TTLL11: variants seen among roughly 807,000 people sequenced by gnomAD.
The protein encoded by TTLL11 is tubulin tyrosine ligase like 11, also known as tubulin polyglutamylase TTLL11.
Under a neutral mutation model 51.7 loss-of-function variants are expected in TTLL11, and 42 were observed. The ratio of observed to expected loss-of-function variants is 0.81; its 90% CI spans 0.64 to 1.05. The LOEUF is 1.05. TTLL11 is among the 50% of genes least tolerant of loss of function. The pLI is 0.00. For synonymous variants in TTLL11, 381 were observed against 383.5 expected, an observed-to-expected ratio of 0.99 and a Z score of 0.08; for missense variants, 799 against 940.4, an observed-to-expected ratio of 0.85 and a Z score of 1.97.
chr9:121,925,120 A>T (rs1166524444), intron 6 of TTLL11, among the ~76,000 whole-genome samples: 2 of 152,278 alleles, frequency 1.3e-5, no homozygotes, highest in Non-Finnish European at 2.9e-5. Context: ...CTGTTTAGGG[A>T]TCTCTAATGT....
chr9:122,087,155 C>G (rs1846146728), intron 1 of TTLL11, among the ~76,000 whole-genome samples: 2 of 152,046 alleles, frequency 1.3e-5, no homozygotes. Flanking sequence ...ACAGTGCAGT[C>G]TATTTTAGAG....
At chr9:122,044,236 A>G (rs1389021433) in intron 1 of TTLL11, among the ~76,000 whole-genome samples, 1 of 151,806 alleles carries the variant, frequency 6.6e-6, no homozygotes, top group Non-Finnish European at 1.5e-5. Flanking sequence ...TATGTGCCAC[A>G]TTTTCTTAAT....
chr9:121,868,091 A>C (rs1172736798), intron 7 of TTLL11, among the ~76,000 whole-genome samples: 1 of 152,048 alleles, frequency 6.6e-6, no homozygotes, highest in East Asian at 1.9e-4. Flanking sequence ...GATGGTGTGA[A>C]GGCTGGGGAG....
chr9:122,088,743 C>T (rs1419155348), intron 1 of TTLL11, among the ~76,000 whole-genome samples: 3 of 152,150 alleles, frequency 2.0e-5, no homozygotes, highest in East Asian at 1.9e-4. Flanking sequence ...TGGTGGCTCA[C>T]GCCTGTAATC....
chr9:122,044,642 A>G (rs1216346975), intron 1 of TTLL11, among the ~76,000 whole-genome samples: 1 of 152,196 alleles, frequency 6.6e-6, no homozygotes, highest in Non-Finnish European at 1.5e-5. Context: ...TTAAACTCCT[A>G]CAACTCAACA....
intron 1 of TTLL11, 41 bp from the exon 2 acceptor site, chr9:122,039,409 A>G: frequency 6.7e-7 from 1 of 1,500,906 alleles, no homozygotes; most frequent in Non-Finnish European, 9.3e-7. Context: ...GAATAAGAAG[A>G]GCAGTGACCA....
intron 1 of TTLL11, among the ~76,000 whole-genome samples, chr9:122,084,017 T>C (rs1846060130): frequency 6.6e-6 from 1 of 152,218 alleles, no homozygotes. Flanking sequence ...TTATACATAA[T>C]CTAAGATGTC....
chr9:121,957,073 G>A (rs1395363767), intron 6 of TTLL11, among the ~76,000 whole-genome samples: 1 of 152,198 alleles, frequency 6.6e-6, no homozygotes, highest in Non-Finnish European at 1.5e-5. Flanking sequence ...CCAGCTGGCT[G>A]TTCTAATAGG....
At chr9:121,897,357 C>G (rs964864493) in intron 6 of TTLL11, among the ~76,000 whole-genome samples, 4 of 152,182 alleles carry the variant, frequency 2.6e-5, no homozygotes, top group African/African-American at 9.6e-5. Flanking sequence ...CAAACCTGAG[C>G]AGCCTGAGCC....
rs1003356056 is a variant in TTLL11, at chr9:121,820,534, C to T, written c.*2053G>A. 1.8e-4 allele frequency among the ~76,000 whole-genome samples: 28 copies of T among 152,164 alleles called. No homozygotes were observed. The highest frequency in any genetic ancestry group is 4.3e-4 in the African/African-American group (18 of 41,436). On this transcript the variant is annotated 3_prime_UTR_variant, in exon 9 of 9. Transcript: ENST00000321582. Reference sequence around the variant, plus strand: ...GACCATGACGGACCCCAGGCAGCCCCGAGCGGGGTAGCTGCAGGGTCTTTA... The same window carrying T: ...GACCATGACGGACCCCAGGCAGCCCTGAGCGGGGTAGCTGCAGGGTCTTTA...
intron 1 of TTLL11, among the ~76,000 whole-genome samples, chr9:122,048,576 C>A (rs554206514): frequency 6.6e-6 from 1 of 152,334 alleles, no homozygotes; most frequent in South Asian, 2.1e-4. Context: ...CAAGCCTCAT[C>A]TGAAAGACAC....
At chr9:121,909,493 AG>A (rs1588116948) in intron 6 of TTLL11, among the ~76,000 whole-genome samples, 1 of 152,140 alleles carries the variant, frequency 6.6e-6, no homozygotes, top group East Asian at 1.9e-4. Context: ...CTAGAAACTC[AG>A]GGCCCTTGTT....
chr9:121,842,902 C>T (rs1168438542), intron 8 of TTLL11, among the ~76,000 whole-genome samples: 1 of 152,176 alleles, frequency 6.6e-6, no homozygotes, highest in Admixed American at 6.5e-5. Context: ...TGACCTTGGA[C>T]ACATTATTTA....
At chr9:122,028,660 C>T (rs1310628417) in intron 3 of TTLL11, among the ~76,000 whole-genome samples, 1 of 152,132 alleles carries the variant, frequency 6.6e-6, no homozygotes, top group East Asian at 1.9e-4. Context: ...GTGAATACCA[C>T]CAATAGCAAC....
chr9:122,087,904 A>C (rs1846169753), intron 1 of TTLL11, among the ~76,000 whole-genome samples: 1 of 152,234 alleles, frequency 6.6e-6, no homozygotes, highest in African/African-American at 2.4e-5. Flanking sequence ...ATTTGAGAGT[A>C]ACTCCAGTCT....
At chr9:121,897,716 G>A (rs1474409115) in intron 6 of TTLL11, among the ~76,000 whole-genome samples, 2 of 151,932 alleles carry the variant, frequency 1.3e-5, no homozygotes, top group East Asian at 3.9e-4. Context: ...CACCTCCTCA[G>A]GGAAGCTTTC....
intron 1 of TTLL11, among the ~76,000 whole-genome samples, chr9:122,047,618 C>A (rs970772125): frequency 6.6e-6 from 1 of 151,760 alleles, no homozygotes; most frequent in Admixed American, 6.6e-5. Flanking sequence ...AAAAGTGTTT[C>A]AAGACTAAAG....
intron 6 of TTLL11, among the ~76,000 whole-genome samples, chr9:121,897,920 A>G (rs1228606263): frequency 7.5e-6 from 1 of 132,954 alleles, no homozygotes. Context: ...TCTTTCTTCT[A>G]TTCTTTTTTT....
chr9:121,827,515 C>A (rs974759245), intron 8 of TTLL11, among the ~76,000 whole-genome samples: 1 of 152,154 alleles, frequency 6.6e-6, no homozygotes, highest in Admixed American at 6.5e-5. Context: ...CAAAAAGAAA[C>A]TGAACGCAAA....
Sources: allele counts gnomAD v4.1 joint callset (sites outside exome capture counted in the v4.1 genomes callset), GRCh38; gene constraint gnomAD v4.1.1; transcripts MANE v1.5; gene names NCBI Gene and HGNC (gene_info 2026-07-23, HGNC 2026-07-21).